CTNNA2: variants seen among roughly 807,000 people sequenced by gnomAD.
CTNNA2 encodes the protein catenin alpha 2.
In CTNNA2, 42 loss-of-function variants were observed where a neutral mutation model predicts 101.0. The observed-to-expected ratio is 0.42, with a 90% CI of 0.32 to 0.54. The LOEUF (loss-of-function observed/expected upper bound fraction) is 0.54, where lower values mean the gene tolerates loss of function less well. Among genes scored for constraint, CTNNA2 ranks in the 20% least tolerant of loss-of-function variants. The pLI is 0.14. For missense variants in CTNNA2, 871 were observed against 1,223.1 expected, an observed-to-expected ratio of 0.71 and a Z score of 4.29; for synonymous variants, 450 against 456.4, an observed-to-expected ratio of 0.99 and a Z score of 0.18.
At chr2:79,732,653 C>T (rs1687277680) in intron 2 of CTNNA2, among the ~76,000 whole-genome samples, 1 of 151,858 alleles carries the variant, frequency 6.6e-6, no homozygotes, top group Non-Finnish European at 1.5e-5. Context: ...CTTTTAAAAA[C>T]AACATTCTAT....
intron 9 of CTNNA2, among the ~76,000 whole-genome samples, chr2:80,516,580 T>G (rs562796942): frequency 9.8e-5 from 15 of 152,308 alleles, no homozygotes; most frequent in African/African-American, 3.1e-4. Context: ...GGGCTGAGAA[T>G]ATCAACTTTT....
intron 3 of CTNNA2, among the ~76,000 whole-genome samples, chr2:79,782,961 A>T (rs1343669237): frequency 3.9e-5 from 5 of 127,064 alleles, no homozygotes; most frequent in African/African-American, 3.8e-5. Context: ...TTCTTTCTTG[A>T]CAGTCTTTTT....
At chr2:79,599,323 A>T (rs569464358) in intron 1 of CTNNA2, among the ~76,000 whole-genome samples, 27 of 152,308 alleles carry the variant, frequency 1.8e-4, no homozygotes, top group Non-Finnish European at 3.4e-4. Flanking sequence ...TGATAATGAG[A>T]AAAACAAACC....
chr2:79,814,872 A>G (rs576398365), intron 3 of CTNNA2, among the ~76,000 whole-genome samples: 8 of 152,272 alleles, frequency 5.3e-5, no homozygotes, highest in Middle Eastern at 3.4e-3. Context: ...TAGTGACTGT[A>G]CTAGTTTACA....
At position 79,779,183 on chromosome 2, in the gene CTNNA2, T is replaced by C. The variant is rs79937177; in HGVS notation, c.298+34601T>C. ...CTTGTAATTTGAAAGATCTTTTTAA[T>C]GGGGAAAAAATAGTCTTGAGGTTGG... is the stretch of plus-strand genomic sequence containing the variant. On this transcript the variant is annotated intron_variant, in intron 3 of 18. Coordinates refer to ENST00000402739, the MANE Select transcript of CTNNA2 (RefSeq NM_001282597.3). Among the ~76,000 whole-genome samples the C allele has an allele frequency of 3.8e-3, 581 of 152,028 alleles. 3 individuals carry two copies. Among genetic ancestry groups the C allele is most frequent in the African/African-American group, 0.013 (538 of 41,486 alleles).
At chr2:80,601,317 T>G (rs2149767740) in intron 15 of CTNNA2, among the ~76,000 whole-genome samples, 1 of 152,224 alleles carries the variant, frequency 6.6e-6, no homozygotes, top group Non-Finnish European at 1.5e-5. Flanking sequence ...CCTTCTGATA[T>G]TCTGGAAGAG....
intron 7 of CTNNA2, among the ~76,000 whole-genome samples, chr2:80,126,385 C>G (rs1433569140): frequency 1.3e-5 from 2 of 151,884 alleles, no homozygotes; most frequent in Non-Finnish European, 2.9e-5. Flanking sequence ...TAAGGGGAAT[C>G]CTCAAGGGGA....
intron 7 of CTNNA2, among the ~76,000 whole-genome samples, chr2:80,117,992 T>A (rs2148872885): frequency 6.6e-6 from 1 of 152,292 alleles, no homozygotes; most frequent in South Asian, 2.1e-4. Flanking sequence ...GGAAGGTTGT[T>A]ACATAGTCTG....
chr2:80,201,653 G>T (rs1299314446), intron 7 of CTNNA2, among the ~76,000 whole-genome samples: 4 of 152,058 alleles, frequency 2.6e-5, no homozygotes, highest in Non-Finnish European at 5.9e-5. Context: ...GGGATTACAG[G>T]CGTGAGCCAC....
At chr2:79,855,216 TTCTC>T (rs963639585) in intron 3 of CTNNA2, among the ~76,000 whole-genome samples, 2 of 151,772 alleles carry the variant, frequency 1.3e-5, no homozygotes, top group Non-Finnish European at 2.9e-5. Context: ...TTCTCTTTCT[TTCTC>T]TCTCTCTCTG....
chr2:80,511,514 C>T (rs1688700661), intron 9 of CTNNA2, among the ~76,000 whole-genome samples: 1 of 151,990 alleles, frequency 6.6e-6, no homozygotes, highest in Non-Finnish European at 1.5e-5. Flanking sequence ...TTTCTTAACA[C>T]ATTGGTGGGC....
At chr2:79,756,056 G>A (rs1672377182) in intron 3 of CTNNA2, among the ~76,000 whole-genome samples, 1 of 111,720 alleles carries the variant, frequency 9.0e-6, no homozygotes, top group African/African-American at 2.9e-5. Flanking sequence ...TGCATTAGCT[G>A]AGGGCCCAGG....
chr2:80,491,552 G>T (rs1024359255), intron 9 of CTNNA2, among the ~76,000 whole-genome samples: 1 of 152,178 alleles, frequency 6.6e-6, no homozygotes, highest in Non-Finnish European at 1.5e-5. Flanking sequence ...GTTGGAGGAT[G>T]TAACAAGGGA....
chr2:80,519,422 G>A (rs1689351272), intron 9 of CTNNA2, among the ~76,000 whole-genome samples: 1 of 152,050 alleles, frequency 6.6e-6, no homozygotes, highest in Admixed American at 6.6e-5. Context: ...AACAGAGAGA[G>A]CATCTTTGAA....
At chr2:79,344,314 A>T (rs1300399489) in intron 3 of CTNNA2, among the ~76,000 whole-genome samples, 1 of 152,166 alleles carries the variant, frequency 6.6e-6, no homozygotes, top group Non-Finnish European at 1.5e-5. Flanking sequence ...TTTGATTTTC[A>T]TGTATGCTGA....
chr2:79,381,557 A>G (rs1305423093), intron 4 of CTNNA2, among the ~76,000 whole-genome samples: 8 of 152,216 alleles, frequency 5.3e-5, no homozygotes, highest in Non-Finnish European at 1.0e-4. Flanking sequence ...TTGTTCATCA[A>G]GGATGTTGCT....
At chr2:80,464,456 T>C (rs1684694481) in intron 9 of CTNNA2, among the ~76,000 whole-genome samples, 2 of 152,206 alleles carry the variant, frequency 1.3e-5, no homozygotes, top group Admixed American at 6.5e-5. Context: ...TTGAATCATT[T>C]CTACCAAAGT....
At chr2:80,227,968 T>A (rs933667355) in intron 7 of CTNNA2, among the ~76,000 whole-genome samples, 1 of 116,160 alleles carries the variant, frequency 8.6e-6, no homozygotes, top group African/African-American at 6.6e-5. Flanking sequence ...CCAGGCAGCA[T>A]TTTTTTTTTC....
In CTNNA2 at chr2:79,455,189, C is replaced by T. The variant is rs1370549805; in HGVS notation, c.-134-49865C>T. On this transcript the variant is annotated intron_variant, in intron 4 of 21. Coordinates refer to the CTNNA2 transcript ENST00000466387. Reference sequence around the variant, plus strand: ...TAAGTATTCTTGAATCTAAGGCAAACATTATTCTTCAATCTTATATCCTCC... The same window carrying T: ...TAAGTATTCTTGAATCTAAGGCAAATATTATTCTTCAATCTTATATCCTCC... Among the ~76,000 whole-genome samples, 7 of 152,178 alleles carry T rather than the reference C, an allele frequency of 4.6e-5. No individual in the cohort carries two copies. The South Asian group carries it at 8.3e-4, about 18-fold the overall frequency.
Sources: gnomAD v4.1 joint callset for allele counts (sites outside exome capture counted in the v4.1 genomes callset) on GRCh38, gnomAD v4.1.1 for gene constraint, MANE v1.5 for transcripts, NCBI Gene and HGNC (gene_info 2026-07-23, HGNC 2026-07-21) for gene names.